Variants in ZNF329 observed in about 807,000 individuals in gnomAD.
ZNF329 encodes zinc finger protein 329.
Under a neutral mutation model 26.6 loss-of-function variants are expected in ZNF329, and 15 were observed. That is an observed-to-expected ratio of 0.56 (90% CI 0.38 to 0.87). The LOEUF (loss-of-function observed/expected upper bound fraction) is 0.87, where lower values mean the gene tolerates loss of function less well. ZNF329 is among the 40% of genes least tolerant of loss of function. The pLI is 0.00. For synonymous variants in ZNF329, 239 were observed against 233.5 expected (o/e 1.02, Z -0.21); for missense variants, 651 against 651.9 (o/e 1.00, Z 0.02).
chr19:58,154,278 G>A (rs2075506940), upstream of ZNF329, among the ~76,000 whole-genome samples: 1 of 152,192 alleles, frequency 6.6e-6, no homozygotes, highest in Non-Finnish European at 1.5e-5. Flanking sequence ...CAAAGTGCCG[G>A]GATTACAGGC....
rs923383468 is a variant in ZNF329 at position 58,126,391 on chromosome 19, T to C, written c.*1487A>G. The C allele has an allele frequency of 6.6e-6, 1 of 152,214 alleles. No individual in the cohort carries two copies. The highest frequency in any genetic ancestry group is 1.5e-5 in the Non-Finnish European group (1 of 68,046). 9.4% of individuals were successfully genotyped at this position (152,214 alleles called of 1,614,324 possible). ...CATCCACTTTCAACATACATCCATA[T>C]GTGCACATATTTTTACATGGCTGGA... is the stretch of plus-strand genomic sequence containing the variant. On this transcript the variant is annotated 3_prime_UTR_variant, in exon 4 of 4. Coordinates refer to ENST00000598312, the MANE Select transcript of ZNF329 (RefSeq NM_024620.4).
chr19:58,151,499 G>A (rs1339010475), upstream of ZNF329, among the ~76,000 whole-genome samples: 1 of 151,716 alleles, frequency 6.6e-6, no homozygotes, highest in Non-Finnish European at 1.5e-5. Context: ...TCCTCGGGAG[G>A]CTGAGGCAAG....
intron 1 of ZNF329, among the ~76,000 whole-genome samples, chr19:58,149,641 G>A (rs552118094): frequency 1.6e-4 from 24 of 151,976 alleles, no homozygotes; most frequent in African/African-American, 4.6e-4. Flanking sequence ...CTTGCTGTGG[G>A]AAAAAAGAAA....
intron 1 of ZNF329, among the ~76,000 whole-genome samples, chr19:58,147,141 T>C (rs1271138544): frequency 2.1e-5 from 3 of 144,398 alleles, no homozygotes; most frequent in African/African-American, 2.7e-5. Context: ...GTCTGAGATG[T>C]GGGGAGCGCC....
At chr19:58,141,666 T>A (rs1600081078) in intron 3 of ZNF329, among the ~76,000 whole-genome samples, 1 of 151,150 alleles carries the variant, frequency 6.6e-6, no homozygotes. Flanking sequence ...CTGAGGCAGG[T>A]GGATCATTTG....
In ZNF329 at chr19:58,127,850, A is replaced by C. The variant is rs376933879; in HGVS notation, c.*28T>G. 1.9e-6 allele frequency: 3 copies of C among 1,549,576 alleles called. No individual in the cohort carries two copies. The African/African-American group carries it at 4.1e-5, about 21-fold the overall frequency. ...CTCCTAAACACAGGAGTGAGAGTGAACTGGAAGACTCATGTGGCCCCCAAC... is the reference window on the plus strand; with the variant it reads ...CTCCTAAACACAGGAGTGAGAGTGACCTGGAAGACTCATGTGGCCCCCAAC... On this transcript the variant is annotated 3_prime_UTR_variant, in exon 4 of 4. Transcript: ENST00000598312.
At chr19:58,147,809 G>T (rs1458865271) in intron 1 of ZNF329, among the ~76,000 whole-genome samples, 4 of 149,260 alleles carry the variant, frequency 2.7e-5, no homozygotes, top group Non-Finnish European at 5.9e-5. Flanking sequence ...CGCCCCGTCC[G>T]GGAGGTGAGG....
chr19:58,144,693 ATTTTTTT>A lies in ZNF329; in HGVS notation c.-207-1502_-207-1496del, dbSNP rs34490866. Among the ~76,000 whole-genome samples, 67 of 127,660 alleles carry A rather than the reference ATTTTTTT, an allele frequency of 5.2e-4. 1 individual carries two copies. In the East Asian group the frequency reaches 5.5e-3, roughly 10 times the overall value. The allele number at this position is 127,660 out of a possible 152,430, so 83.7% of individuals were successfully genotyped here. A position where few individuals can be genotyped will look rare whatever the true frequency, so the allele number is the denominator to read the frequency against. On this transcript the variant is annotated intron_variant, in intron 1 of 3. Transcript: ENST00000598312. ...CATGAGCCATGGCGCCCAGCCAAGA[ATTTTTTT>A]TTTTTTTTTTTTTTTTAAAGAGACA...
chr19:58,146,675 CG>C (rs2075317219), intron 1 of ZNF329, among the ~76,000 whole-genome samples: 1 of 151,012 alleles, frequency 6.6e-6, no homozygotes, highest in Admixed American at 6.6e-5. Context: ...CTCAGCCTGC[CG>C]AGTGCCTGCA....
intron 1 of ZNF329, among the ~76,000 whole-genome samples, chr19:58,150,289 C>T (rs971395706): frequency 6.6e-6 from 1 of 152,336 alleles, no homozygotes; most frequent in African/African-American, 2.4e-5. Flanking sequence ...CGGCTCAGCC[C>T]ACTGGCTCAC....
In ZNF329 at chr19:58,147,615, T is replaced by C. The variant is rs555851089; in HGVS notation, c.-208+3137A>G. Among the ~76,000 whole-genome samples the C allele has an allele frequency of 8.5e-4, 89 of 104,276 alleles. 1 individual carries two copies. The South Asian group carries it at 0.011, about 13-fold the overall frequency. The allele number at this position is 104,276 out of a possible 152,430, so 68.4% of individuals were successfully genotyped here. On this transcript the variant is annotated intron_variant, in intron 1 of 3. Coordinates refer to ENST00000598312, the MANE Select transcript of ZNF329 (RefSeq NM_024620.4). ...GAGGTGGGGGGGTCAGCCCTCCGCC[T>C]GGCCAGACGCCCCGTCCAGGAGGGA...
At chr19:58,129,962 C>A (rs2074900251) in intron 3 of ZNF329, among the ~76,000 whole-genome samples, 1 of 152,180 alleles carries the variant, frequency 6.6e-6, no homozygotes, top group Admixed American at 6.5e-5. Flanking sequence ...CAAAGTTCTG[C>A]ATTCATGGAT....
chr19:58,132,898 C>T (rs1258887680), intron 3 of ZNF329, among the ~76,000 whole-genome samples: 6 of 151,954 alleles, frequency 3.9e-5, no homozygotes, highest in East Asian at 2.0e-4. Flanking sequence ...CAGCAAGCTC[C>T]GCCTCCCAGG....
rs767444907 is a variant in ZNF329 at position 58,127,959 on chromosome 19, C to G, written c.1545G>C (p.Gln515His). The change falls in exon 4 of 4, where the codon CAG (glutamine) becomes CAC (histidine). Residue 515 changes from glutamine to histidine, a missense_variant. Gln to His is a conservative substitution (Grantham distance 24, BLOSUM62 0). Coordinates refer to ENST00000598312, the MANE Select transcript of ZNF329 (RefSeq NM_024620.4). The part of the protein sequence containing the change: ...HSREGPSRCP[Q>H]CGKMFQKSSS... ...AGCTCTTTTGGAACATTTTTCCACA[C>G]TGAGGACACCGGCTGGGACCCTCCC... The G allele has an allele frequency of 1.9e-6, 3 of 1,613,852 alleles. No individual in the cohort carries two copies. Among genetic ancestry groups the G allele is most frequent in the Non-Finnish European group, 2.5e-6 (3 of 1,179,974 alleles).
intron 3 of ZNF329, among the ~76,000 whole-genome samples, chr19:58,130,743 C>G (rs1273450716): frequency 1.3e-5 from 2 of 151,174 alleles, no homozygotes; most frequent in Non-Finnish European, 2.9e-5. Context: ...GAAGGGCATT[C>G]TGTAAATGGT....
intron 1 of ZNF329, among the ~76,000 whole-genome samples, chr19:58,148,264 C>A (rs1029231293): frequency 2.1e-4 from 31 of 150,632 alleles, no homozygotes; most frequent in African/African-American, 7.7e-4. Context: ...CGCGGAAGGC[C>A]GCAGGGTCCT....
chr19:58,132,949 A>G (rs1028135540), intron 3 of ZNF329, among the ~76,000 whole-genome samples: 2 of 151,944 alleles, frequency 1.3e-5, no homozygotes, highest in African/African-American at 4.8e-5. Flanking sequence ...AGTAGCTGGG[A>G]CTACAGGTGT....
intron 3 of ZNF329, among the ~76,000 whole-genome samples, chr19:58,135,960 G>A (rs2075054922): frequency 6.6e-6 from 1 of 152,094 alleles, no homozygotes; most frequent in Non-Finnish European, 1.5e-5. Flanking sequence ...GGCCACGCAC[G>A]GTGGCTCATG....
At position 58,132,984 on chromosome 19, in the gene ZNF329, T is replaced by C. The variant is rs1227346012; in HGVS notation, c.-8-3473A>G. 3.3e-5 allele frequency among the ~76,000 whole-genome samples: 5 copies of C among 152,066 alleles called. No individual in the cohort carries two copies. In the South Asian group the frequency reaches 1.0e-3, roughly 32 times the overall value. ...TCTGCCACCACGCCCAGCTAATTTT[T>C]TGTACTTTTAGTAGAGACAGGGTTT... On this transcript the variant is annotated intron_variant, in intron 3 of 3. Transcript: ENST00000598312.
Sources: allele counts gnomAD v4.1 joint callset (sites outside exome capture counted in the v4.1 genomes callset), GRCh38; gene constraint gnomAD v4.1.1; transcripts MANE v1.5; gene names NCBI Gene and HGNC (gene_info 2026-07-23, HGNC 2026-07-21).